The following SLC35F1 variants were observed in gnomAD, a reference collection of about 807,000 sequenced individuals.
SLC35F1 encodes chromosome 6 open reading frame 169.
Under a neutral mutation model 48.7 loss-of-function variants are expected in SLC35F1, and 14 were observed. That is an observed-to-expected ratio of 0.29 (90% CI 0.19 to 0.45). The LOEUF (loss-of-function observed/expected upper bound fraction) is 0.45. SLC35F1 is among the 20% of genes least tolerant of loss of function. The pLI, the probability that SLC35F1 is intolerant of heterozygous loss-of-function variation, is 1.00. For synonymous variants in SLC35F1, 190 were observed against 202.2 expected, an observed-to-expected ratio of 0.94 and a Z score of 0.51; for missense variants, 404 against 500.0, an observed-to-expected ratio of 0.81 and a Z score of 1.83.
chr6:118,061,650 T>C (rs1256633943), intron 1 of SLC35F1, among the ~76,000 whole-genome samples: 1 of 151,852 alleles, frequency 6.6e-6, no homozygotes, highest in African/African-American at 2.4e-5. Flanking sequence ...TACATATGAC[T>C]TGGGACTTCT....
chr6:118,077,163 A>C (rs941737659), intron 1 of SLC35F1, among the ~76,000 whole-genome samples: 2 of 152,236 alleles, frequency 1.3e-5, no homozygotes, highest in Non-Finnish European at 2.9e-5. Flanking sequence ...AATACTAGCA[A>C]GATGAACACT....
At chr6:118,229,906 A>G (rs1322303010) in intron 2 of SLC35F1, among the ~76,000 whole-genome samples, 1 of 152,222 alleles carries the variant, frequency 6.6e-6, no homozygotes, top group African/African-American at 2.4e-5. Context: ...CTATTCTCAA[A>G]CACTGAAGTT....
chr6:118,263,701 C>G (rs1562343821), intron 3 of SLC35F1, among the ~76,000 whole-genome samples: 1 of 151,520 alleles, frequency 6.6e-6, no homozygotes. Context: ...TGTTTGTTTT[C>G]TTTTTTAACA....
chr6:118,087,791 C>T (rs544701606), intron 1 of SLC35F1, among the ~76,000 whole-genome samples: 27 of 152,258 alleles, frequency 1.8e-4, no homozygotes, highest in African/African-American at 6.5e-4. Context: ...AGAACATTTA[C>T]GTTTATTTAA....
chr6:118,207,358 A>G (rs111898125), intron 2 of SLC35F1, among the ~76,000 whole-genome samples: 71 of 152,360 alleles, frequency 4.7e-4, no homozygotes, highest in African/African-American at 1.6e-3. Context: ...ACCTTAAGAA[A>G]TAATTCCTTG....
At chr6:118,026,971 A>G (rs2114889312) in intron 1 of SLC35F1, among the ~76,000 whole-genome samples, 1 of 152,166 alleles carries the variant, frequency 6.6e-6, no homozygotes, top group East Asian at 1.9e-4. Context: ...TTTTGTTGTC[A>G]TTGCCTTCTC....
intron 2 of SLC35F1, among the ~76,000 whole-genome samples, chr6:118,185,060 C>CT (rs1056347668): frequency 1.3e-5 from 2 of 152,134 alleles, no homozygotes; most frequent in African/African-American, 4.8e-5. Context: ...CACAGGTATA[C>CT]TTTTTTTAAA....
At chr6:118,233,934 C>T (rs946229134) in intron 2 of SLC35F1, among the ~76,000 whole-genome samples, 1 of 152,230 alleles carries the variant, frequency 6.6e-6, no homozygotes, top group African/African-American at 2.4e-5. Flanking sequence ...AGAGACCCTT[C>T]TCTCCTATTG....
intron 1 of SLC35F1, among the ~76,000 whole-genome samples, chr6:118,088,102 C>A (rs772625291): frequency 6.6e-5 from 10 of 152,146 alleles, no homozygotes; most frequent in Non-Finnish European, 1.3e-4. Context: ...TTAATAGTTA[C>A]TTTTAATGGT....
chr6:118,312,955 A>G (rs1776388403), intron 7 of SLC35F1, among the ~76,000 whole-genome samples: 2 of 152,300 alleles, frequency 1.3e-5, no homozygotes, highest in Admixed American at 1.3e-4. Context: ...GGATGTGGTC[A>G]AGACTGGGAT....
chr6:118,236,733 T>C (rs893072312), intron 3 of SLC35F1, among the ~76,000 whole-genome samples: 2 of 152,178 alleles, frequency 1.3e-5, no homozygotes, highest in African/African-American at 4.8e-5. Flanking sequence ...AGGTGCATAT[T>C]GAAGAAAATA....
intron 1 of SLC35F1, among the ~76,000 whole-genome samples, chr6:117,996,075 T>A (rs1343022678): frequency 6.6e-6 from 1 of 152,220 alleles, no homozygotes; most frequent in Non-Finnish European, 1.5e-5. Flanking sequence ...GCACATTTAA[T>A]TTCTTCATAT....
chr6:118,198,138 C>T (rs1458315802), intron 2 of SLC35F1, among the ~76,000 whole-genome samples: 3 of 152,162 alleles, frequency 2.0e-5, no homozygotes, highest in Non-Finnish European at 4.4e-5. Flanking sequence ...CTCATTCAGA[C>T]AATTAAATAA....
At chr6:118,146,196 C>CT (rs1773970923) in intron 1 of SLC35F1, among the ~76,000 whole-genome samples, 1 of 152,146 alleles carries the variant, frequency 6.6e-6, no homozygotes, top group East Asian at 1.9e-4. Context: ...TACTGAAACT[C>CT]TTTTTTTAGC....
In SLC35F1 at chr6:118,149,844, T is replaced by C. The variant is rs544834990; in HGVS notation, c.174-4601T>C. Among the ~76,000 whole-genome samples the C allele has an allele frequency of 1.1e-3, 162 of 152,318 alleles. 1 individual carries two copies. The highest frequency in any genetic ancestry group is 5.6e-3 in the Admixed American group (85 of 15,296). On this transcript the variant is annotated intron_variant, in intron 1 of 7. Coordinates refer to ENST00000360388, the MANE Select transcript of SLC35F1 (RefSeq NM_001029858.4). Reference sequence around the variant, plus strand: ...TGTTGAAAGGCACACATTACAGATATCTTGATGGAAGAGTTTTCATCAGAG... The same window carrying C: ...TGTTGAAAGGCACACATTACAGATACCTTGATGGAAGAGTTTTCATCAGAG...
chr6:118,071,384 C>G (rs1437443920), intron 1 of SLC35F1, among the ~76,000 whole-genome samples: 1 of 151,558 alleles, frequency 6.6e-6, no homozygotes, highest in African/African-American at 2.4e-5. Flanking sequence ...CCACATCAGT[C>G]TTATCTTCAA....
intron 1 of SLC35F1, among the ~76,000 whole-genome samples, chr6:118,125,171 G>T (rs1167742769): frequency 6.6e-6 from 1 of 152,090 alleles, no homozygotes; most frequent in East Asian, 1.9e-4. Context: ...AATACAAGAA[G>T]AAAATGATAT....
intron 2 of SLC35F1, among the ~76,000 whole-genome samples, chr6:118,202,008 A>G (rs1045969884): frequency 2.0e-5 from 3 of 152,118 alleles, no homozygotes; most frequent in African/African-American, 7.2e-5. Flanking sequence ...TTATCTTTTC[A>G]TCAGTTGATG....
At chr6:118,025,354 A>C (rs1344507662) in intron 1 of SLC35F1, among the ~76,000 whole-genome samples, 2 of 152,334 alleles carry the variant, frequency 1.3e-5, no homozygotes, top group East Asian at 1.9e-4. Context: ...TTTGGGGAGG[A>C]AAAGTACCCT....
Sources: gnomAD v4.1 joint callset for allele counts (sites outside exome capture counted in the v4.1 genomes callset) on GRCh38, gnomAD v4.1.1 for gene constraint, MANE v1.5 for transcripts, NCBI Gene and HGNC (gene_info 2026-07-23, HGNC 2026-07-21) for gene names.